The following PLA2R1 variants were observed in gnomAD, a reference collection of about 807,000 sequenced individuals.
PLA2R1 encodes the protein secretory phospholipase A2 receptor.
In PLA2R1, 158 loss-of-function variants were observed where a neutral mutation model predicts 195.9. The observed-to-expected ratio is 0.81, with a 90% CI of 0.71 to 0.92. PLA2R1 has a LOEUF of 0.92. Among genes scored for constraint, PLA2R1 ranks in the 40% least tolerant of loss-of-function variants. The pLI, the probability that PLA2R1 is intolerant of heterozygous loss-of-function variation, is 0.00. For synonymous variants in PLA2R1, 586 were observed against 598.2 expected (o/e 0.98, Z 0.30); for missense variants, 1,626 against 1,764.6 (o/e 0.92, Z 1.41).
rs902701489 is a variant in PLA2R1 at position 160,028,684 on chromosome 2, C to T, written c.955+166G>A. On this transcript the variant is annotated intron_variant, in intron 5 of 29. Transcript: ENST00000283243. ...TGGCTAAAAAGCTTATCTTCCTGGTCCCTATTTTCTTGTTTGGAAAAGCTT... is the reference window on the plus strand; with the variant it reads ...TGGCTAAAAAGCTTATCTTCCTGGTTCCTATTTTCTTGTTTGGAAAAGCTT... Among the ~76,000 whole-genome samples the T allele has an allele frequency of 3.3e-5, 5 of 152,256 alleles. No homozygotes were observed. The South Asian group carries it at 8.3e-4, about 25-fold the overall frequency.
chr2:159,998,541 C>T (rs923984533), intron 11 of PLA2R1, among the ~76,000 whole-genome samples: 1 of 152,082 alleles, frequency 6.6e-6, no homozygotes, highest in Non-Finnish European at 1.5e-5. Flanking sequence ...AGAACACTTC[C>T]GATCCTAATA....
Position 159,945,031 on chromosome 2 carries a change from C to A in PLA2R1, c.4019G>T (p.Gly1340Val), listed in dbSNP as rs1687295183. The change falls in exon 28 of 30, where the codon GGC (glycine) becomes GTC (valine). Residue 1340 changes from glycine to valine, a missense_variant. Transcript: ENST00000283243. ...GTAGTCTGTGTCTGGCTTCCGAATG[C>A]CCCAGTTTGACTGGTCTGTGGGAGT... The part of the protein sequence containing the change: ...DGTPTDQSNW[G>V]IRKPDTDYFK... 6 of 1,613,602 alleles carry A rather than the reference C, an allele frequency of 3.7e-6. No homozygotes were observed. The highest frequency in any genetic ancestry group is 5.1e-6 in the Non-Finnish European group (6 of 1,179,720).
At chr2:160,036,576 T>G (rs1694175925) in intron 3 of PLA2R1, among the ~76,000 whole-genome samples, 1 of 152,220 alleles carries the variant, frequency 6.6e-6, no homozygotes, top group Non-Finnish European at 1.5e-5. Context: ...TATTTGCATT[T>G]CTGGTGCAGG....
intron 10 of PLA2R1, among the ~76,000 whole-genome samples, chr2:160,012,512 G>A (rs1692428559): frequency 1.3e-5 from 2 of 152,196 alleles, no homozygotes; most frequent in South Asian, 4.1e-4. Context: ...AAAATAGATG[G>A]AAGAAGTGAT....
chr2:159,977,249 C>CA (rs1427098348), intron 15 of PLA2R1, 35 bp downstream of exon 15: 1 of 1,526,508 alleles, frequency 6.6e-7, no homozygotes, highest in African/African-American at 1.4e-5. Flanking sequence ...TATTAGAAAT[C>CA]AAACATATAG....
At position 160,007,396 on chromosome 2, in the gene PLA2R1, T is replaced by C. The variant is rs537589503; in HGVS notation, c.1665-1575A>G. ...AAGCATTTCTGTTTTCATGCCCAAA[T>C]GTTGCATTTCCCAAGACCACCCTGG... is the stretch of plus-strand genomic sequence containing the variant. On this transcript the variant is annotated intron_variant, in intron 10 of 29. Coordinates refer to ENST00000283243, the MANE Select transcript of PLA2R1 (RefSeq NM_007366.5). Among the ~76,000 whole-genome samples, 3 of 152,218 alleles carry C rather than the reference T, an allele frequency of 2.0e-5. No homozygotes were observed. In the South Asian group the frequency reaches 6.2e-4, roughly 32 times the overall value.
chr2:159,942,912 A>G (rs1384121942), intron 28 of PLA2R1, among the ~76,000 whole-genome samples: 1 of 152,088 alleles, frequency 6.6e-6, no homozygotes, highest in Non-Finnish European at 1.5e-5. Flanking sequence ...TCTGATAGAC[A>G]TGAAAAAAAT....
chr2:159,931,460 G>A (rs1574619156), downstream of PLA2R1, among the ~76,000 whole-genome samples: 1 of 152,312 alleles, frequency 6.6e-6, no homozygotes, highest in Middle Eastern at 3.4e-3. Context: ...CTAGAGTCCA[G>A]GAGTTTGACA....
chr2:160,018,972 C>A (rs1488321169), intron 8 of PLA2R1, among the ~76,000 whole-genome samples: 1 of 152,230 alleles, frequency 6.6e-6, no homozygotes, highest in Admixed American at 6.5e-5. Context: ...ACATGGACAT[C>A]TACCAAATCC....
chr2:159,951,882 C>A (rs1687767401), intron 23 of PLA2R1, among the ~76,000 whole-genome samples: 1 of 152,188 alleles, frequency 6.6e-6, no homozygotes, highest in Non-Finnish European at 1.5e-5. Flanking sequence ...TGATGGTGAT[C>A]TTCTTAGGTG....
intron 27 of PLA2R1, 177 bp downstream of exon 27, chr2:159,946,624 C>A (rs149407201): frequency 7.6e-7 from 1 of 1,321,036 alleles, no homozygotes; most frequent in Admixed American, 3.8e-5. Flanking sequence ...TTTTAAAAGA[C>A]AAAAGGGTAA....
In PLA2R1 at chr2:159,956,497, T is replaced by G. The variant is rs773260305; in HGVS notation, c.3022+13A>C. 57 of 1,408,220 alleles carry G rather than the reference T, an allele frequency of 4.0e-5. 1 individual carries two copies. In the South Asian group the frequency reaches 4.8e-4, roughly 12 times the overall value. The allele number at this position is 1,408,220 out of a possible 1,614,324, so 87.2% of individuals were successfully genotyped here. A position where few individuals can be genotyped will look rare whatever the true frequency, so the allele number is the denominator to read the frequency against. ...ATGGTTATCTTGGCCTGGTTGGATC[T>G]TGAGTACTCTACCTTGCTCCACCTC... On this transcript the variant is annotated intron_variant, in intron 21 of 29. Coordinates refer to ENST00000283243, the MANE Select transcript of PLA2R1 (RefSeq NM_007366.5).
At chr2:160,049,271 G>A (rs983093557) in intron 1 of PLA2R1, among the ~76,000 whole-genome samples, 2 of 152,072 alleles carry the variant, frequency 1.3e-5, no homozygotes, top group South Asian at 4.1e-4. Flanking sequence ...GGCCCCATAA[G>A]ATAACGTGTA....
intron 3 of PLA2R1, among the ~76,000 whole-genome samples, chr2:160,039,496 T>A (rs1694389149): frequency 6.6e-6 from 1 of 152,158 alleles, no homozygotes; most frequent in South Asian, 2.1e-4. Flanking sequence ...AAATGTAGCA[T>A]CATTTTACAT....
intron 3 of PLA2R1, among the ~76,000 whole-genome samples, chr2:160,041,664 A>C (rs887748206): frequency 6.6e-6 from 1 of 152,230 alleles, no homozygotes; most frequent in Non-Finnish European, 1.5e-5. Context: ...GAGATAGTGG[A>C]TTGAAAGGCT....
At chr2:159,957,848 G>C (rs1688188568) in intron 20 of PLA2R1, among the ~76,000 whole-genome samples, 1 of 152,126 alleles carries the variant, frequency 6.6e-6, no homozygotes, top group African/African-American at 2.4e-5. Context: ...ATTCCAGAGA[G>C]GTCAGGAGAA....
At chr2:159,961,760 CAGG>C (rs760892224) in intron 20 of PLA2R1, among the ~76,000 whole-genome samples, 8 of 152,100 alleles carry the variant, frequency 5.3e-5, no homozygotes, top group Non-Finnish European at 1.2e-4. Flanking sequence ...TACGTGTGTA[CAGG>C]AGGACACATG....
At chr2:160,016,783 TA>T (rs3833577) in intron 8 of PLA2R1, 71 bp from the exon 9 acceptor site, 5 of 673,892 alleles carry the variant, frequency 7.4e-6, no homozygotes, top group East Asian at 2.8e-5. Context: ...GCAATTCTTA[TA>T]AAAAAAATAT....
intron 13 of PLA2R1, among the ~76,000 whole-genome samples, chr2:159,983,011 A>G (rs1690066276): frequency 6.6e-6 from 1 of 152,350 alleles, no homozygotes. Flanking sequence ...ATGCAGGCTG[A>G]CTGACAAGAA....
Sources: gnomAD v4.1 joint callset for allele counts (sites outside exome capture counted in the v4.1 genomes callset) on GRCh38, gnomAD v4.1.1 for gene constraint, MANE v1.5 for transcripts, NCBI Gene and HGNC (gene_info 2026-07-23, HGNC 2026-07-21) for gene names.